RYR1: variants seen among roughly 807,000 people sequenced by gnomAD.
The protein encoded by RYR1 is central core disease of muscle.
In RYR1, 342 loss-of-function variants were observed where a neutral mutation model predicts 583.5. The ratio of observed to expected loss-of-function variants is 0.59; its 90% CI spans 0.54 to 0.64. RYR1 has a LOEUF of 0.64. RYR1 is among the 30% of genes least tolerant of loss of function. The pLI is 0.00. For missense variants in RYR1, 6,032 were observed against 6,917.2 expected (o/e 0.87, Z 4.54); for synonymous variants, 2,791 against 2,822.5 (o/e 0.99, Z 0.35).
At chr19:38,508,980 C>A (rs1334278740) in intron 58 of RYR1, among the ~76,000 whole-genome samples, 1 of 152,066 alleles carries the variant, frequency 6.6e-6, no homozygotes, top group Admixed American at 6.6e-5. Context: ...TGGGGTGCCC[C>A]CCAGTGCCTC....
intron 16 of RYR1, among the ~76,000 whole-genome samples, chr19:38,457,238 G>A (rs953498188): frequency 6.6e-6 from 1 of 151,812 alleles, no homozygotes; most frequent in Non-Finnish European, 1.5e-5. Context: ...CACTACTCCA[G>A]TATCTCCTTC....
Position 38,529,041 on chromosome 19 carries a change from G to A in RYR1, c.11125G>A (p.Ala3709Thr). The change falls in exon 76 of 106, where the codon GCC becomes ACC. Residue 3709 changes from alanine (A) to threonine (T), a missense_variant. Ala to Thr is a moderately conservative substitution (Grantham distance 58). Transcript: ENST00000359596. ...HQLVLHFSRT[A>T]LTEKSKLDED... The stretch of plus-strand genomic sequence containing the variant: ...GTTGGTCCTGCACTTCAGCCGCACT[G>A]CCCTGACGGAAAAGAGGTGAAGACT... The A allele has an allele frequency of 6.2e-7, 1 of 1,613,866 alleles. No individual in the cohort carries two copies. Among genetic ancestry groups the A allele is most frequent in the South Asian group, 1.1e-5 (1 of 91,038 alleles).
At chr19:38,581,323 C>T (rs980602611) in intron 101 of RYR1, among the ~76,000 whole-genome samples, 15 of 152,128 alleles carry the variant, frequency 9.9e-5, no homozygotes, top group African/African-American at 1.7e-4. Context: ...GTGATCCGCC[C>T]GCCTGGGCCT....
In RYR1 at chr19:38,566,802, C is replaced by G. The variant is rs537129407; in HGVS notation, c.13438-109C>G. The stretch of plus-strand genomic sequence containing the variant: ...CTTTCTGGTGGAGGGAAGTGTAAAA[C>G]TTAGATTACCCAGGGGAAATAAGAG... On this transcript the variant is annotated intron_variant, in intron 91 of 105. Transcript: ENST00000359596. The G allele has an allele frequency of 1.1e-4, 166 of 1,543,244 alleles. No homozygotes were observed. In the East Asian group the frequency reaches 3.4e-3, roughly 31 times the overall value.
chr19:38,557,767 G>C (rs1248681640), intron 89 of RYR1, among the ~76,000 whole-genome samples: 1 of 151,954 alleles, frequency 6.6e-6, no homozygotes, highest in Non-Finnish European at 1.5e-5. Flanking sequence ...TCGCGTCATT[G>C]CACTCCAGCC....
intron 1 of RYR1, among the ~76,000 whole-genome samples, chr19:38,435,133 C>T (rs1972369908): frequency 6.6e-6 from 1 of 152,238 alleles, no homozygotes; most frequent in African/African-American, 2.4e-5. Context: ...GCCTCTGCCT[C>T]CTGAGACATC....
chr19:38,460,398 G>C lies in RYR1; in HGVS notation c.2384G>C (p.Arg795Pro), dbSNP rs201635585. 1 of 1,614,060 alleles carries C rather than the reference G, an allele frequency of 6.2e-7. No homozygotes were observed. Among genetic ancestry groups the C allele is most frequent in the Non-Finnish European group, 8.5e-7 (1 of 1,180,014 alleles). ...GVKVRFLLGG[R>P]HGEFKFLPPP... is the part of the protein sequence containing the mutation. Reference sequence around the variant, plus strand: ...AGGGTGCGGTTCCTCCTTGGTGGCCGCCATGGTGAATTCAAGTTCCTGCCC... The same window carrying C: ...AGGGTGCGGTTCCTCCTTGGTGGCCCCCATGGTGAATTCAAGTTCCTGCCC... The change falls in exon 20 of 106, where the codon CGC becomes CCC. Residue 795 changes from arginine to proline, a missense_variant. This residue lies in a region of RYR1 where 2,627 missense variants were observed against 2,961.3 expected (regional missense o/e 0.89). Transcript: ENST00000359596.
rs575112576 is a variant in RYR1, at chr19:38,498,813, C to G, written c.6892-295C>G. ...GTTTTGGCCGGCTTCTTTACTGCAG[C>G]CTATTTTATCAGCAAGGACTTTATG... On this transcript the variant is annotated intron_variant, in intron 42 of 105. Transcript: ENST00000359596. Among the ~76,000 whole-genome samples, 55 of 152,254 alleles carry G rather than the reference C, an allele frequency of 3.6e-4. 1 individual carries two copies. The highest frequency in any genetic ancestry group is 1.1e-3 in the African/African-American group (46 of 41,532).
rs571152762 is a variant in RYR1 at position 38,474,655 on chromosome 19, A to G, written c.4161-663A>G. Among the ~76,000 whole-genome samples the G allele has an allele frequency of 2.1e-4, 30 of 139,760 alleles. 1 individual carries two copies. In the East Asian group the frequency reaches 5.4e-3, roughly 25 times the overall value. The allele number at this position is 139,760 out of a possible 152,430, so 91.7% of individuals were successfully genotyped here. On this transcript the variant is annotated intron_variant, in intron 28 of 105. Coordinates refer to ENST00000359596, the MANE Select transcript of RYR1 (RefSeq NM_000540.3). ...AATGGCACGATCTTGGCTCTCTGCA[A>G]TCTCCGCCTCCTGGGTTCAAGCAAT...
intron 19 of RYR1, among the ~76,000 whole-genome samples, chr19:38,460,001 C>T (rs2145416473): frequency 1.3e-5 from 2 of 152,268 alleles, no homozygotes; most frequent in Middle Eastern, 6.8e-3. Context: ...ATAATTGTAA[C>T]AGATGCTCAG....
In RYR1 at chr19:38,510,679, A is replaced by G. The variant is rs1263831859; in HGVS notation, c.9020A>G (p.Asn3007Ser). 1.2e-6 allele frequency: 2 copies of G among 1,614,020 alleles called. No individual in the cohort carries two copies. The highest frequency in any genetic ancestry group is 1.3e-5 in the African/African-American group (1 of 74,904). The change falls in exon 60 of 106, where the codon AAC (asparagine) becomes AGC (serine). Residue 3007 changes from asparagine to serine, a missense_variant. Physicochemically the swap from Asn to Ser is conservative, Grantham distance 46. This residue lies in a region of RYR1 where 1,493 missense variants were observed against 1,715.5 expected (regional missense o/e 0.87). Coordinates refer to ENST00000359596, the MANE Select transcript of RYR1 (RefSeq NM_000540.3). ...CTCCAGATCCTGCTCCCTTTGATCA[A>G]CCAGTACTTCACCAACCACTGCCTC... ...FFAKILLPLI[N>S]QYFTNHCLYF...
intron 9 of RYR1, among the ~76,000 whole-genome samples, chr19:38,447,113 A>G (rs1337407583): frequency 6.6e-6 from 1 of 152,218 alleles, no homozygotes; most frequent in Non-Finnish European, 1.5e-5. Flanking sequence ...AGTCTCAGCT[A>G]CTTTGTGGGG....
rs374780020 is a variant in RYR1, at chr19:38,572,368, G to T, written c.13998+98G>T. ...GGCTGGGGCTGGGGGCCCTCAAAGT[G>T]GTTGGGACAGAGGGGGCCTAGGGTT... On this transcript the variant is annotated intron_variant, in intron 95 of 105. Transcript: ENST00000359596. 9 of 1,318,232 alleles carry T rather than the reference G, an allele frequency of 6.8e-6. No individual in the cohort carries two copies. The African/African-American group carries it at 1.2e-4, about 17-fold the overall frequency. 81.7% of individuals were successfully genotyped at this position (1,318,232 alleles called of 1,614,324 possible).
chr19:38,481,172 G>A (rs536882509), intron 31 of RYR1, among the ~76,000 whole-genome samples: 1 of 152,064 alleles, frequency 6.6e-6, no homozygotes, highest in African/African-American at 2.4e-5. Context: ...TGTCACCCAG[G>A]CTGGTGCACA....
In RYR1 at chr19:38,573,175, A is replaced by G. The variant is rs1973800722; in HGVS notation, c.13999-2A>G. On this transcript the variant is annotated splice_acceptor_variant, in intron 95 of 105. Transcript: ENST00000359596. LOFTEE classifies it high-confidence loss of function. The stretch of plus-strand genomic sequence containing the variant: ...CACCTTTGGCCTCCTCCCACTATCC[A>G]GGTGCCCCTGGTAATCTTTAAGCGG... The G allele has an allele frequency of 6.2e-7, 1 of 1,613,564 alleles. No homozygotes were observed. The highest frequency in any genetic ancestry group is 8.5e-7 in the Non-Finnish European group (1 of 1,179,690).
intron 79 of RYR1, 66 bp downstream of exon 79, chr19:38,534,885 G>A (rs530033389): frequency 7.2e-6 from 11 of 1,525,366 alleles, no homozygotes; most frequent in African/African-American, 6.8e-5. Flanking sequence ...CTCCTGGCTC[G>A]CCCATTCCCT....
At chr19:38,582,156 G>T (rs951964643) in intron 101 of RYR1, among the ~76,000 whole-genome samples, 1 of 152,096 alleles carries the variant, frequency 6.6e-6, no homozygotes, top group African/African-American at 2.4e-5. Context: ...CCAGCACTTT[G>T]GGGGGCTGAG....
In RYR1 at chr19:38,519,415, C is replaced by T; in HGVS notation, c.10220C>T (p.Ala3407Val). 6.2e-7 allele frequency: 1 copy of T among 1,602,064 alleles called. No homozygotes were observed. The highest frequency in any genetic ancestry group is 8.5e-7 in the Non-Finnish European group (1 of 1,175,242). ...TCTGTGCTCTGCCGGGACCTCTACG[C>T]CCTGTATCCGCTGCTCATCCGCTAC... ...EFSVLCRDLY[A>V]LYPLLIRYVD... Residue 3407 changes from alanine (A) to valine (V), a missense_variant, in exon 67 of 106, where the codon GCC becomes GTC. Coordinates refer to ENST00000359596, the MANE Select transcript of RYR1 (RefSeq NM_000540.3).
At position 38,532,554 on chromosome 19, in the gene RYR1, C is replaced by CCCCCTCT. The variant is rs755816581; in HGVS notation, c.11193+14_11193+20dup. The CCCCCTCT allele has an allele frequency of 2.9e-5, 46 of 1,614,014 alleles. No homozygotes were observed. The highest frequency in any genetic ancestry group is 3.9e-5 in the Non-Finnish European group (46 of 1,180,008). The stretch of plus-strand genomic sequence containing the variant: ...TATCATGGCAAAGGTGAGGCCCTAC[C>CCCCCTCT]CCCCTCTTCTGGGGCAGATTTCCCT... On this transcript the variant is annotated intron_variant, in intron 77 of 105. Coordinates refer to ENST00000359596, the MANE Select transcript of RYR1 (RefSeq NM_000540.3).
Sources: allele counts gnomAD v4.1 joint callset (sites outside exome capture counted in the v4.1 genomes callset), GRCh38; gene constraint gnomAD v4.1.1; regional missense constraint gnomAD v4.1.1; transcripts MANE v1.5; gene names NCBI Gene and HGNC (gene_info 2026-07-23, HGNC 2026-07-21).